SKIC2: variants seen among roughly 807,000 people sequenced by gnomAD.
SKIC2 encodes the protein superkiller complex protein 2.
At chr6:31,961,059 C>T in the SKIC2 span, 5 of 1,612,540 alleles carry the variant, frequency 3.1e-6, no homozygotes, top group African/African-American at 2.7e-5. Context: ...ACTATTCCAC[C>T]TGGTTTCAAG....
the SKIC2 span, chr6:31,969,046 G>T: frequency 6.2e-7 from 1 of 1,612,318 alleles, no homozygotes. This position sits in a 1 kb window ranked among gnomAD's most constrained non-coding sequence, Gnocchi z 6.1. Context: ...GTCTGCCAGA[G>T]CCCTGGGGAC....
At chr6:31,960,313 A>G in the SKIC2 span, 2 of 1,613,324 alleles carry the variant, frequency 1.2e-6, no homozygotes, top group South Asian at 1.1e-5. Context: ...ACCCAACCAC[A>G]GGCCAGATAC....
chr6:31,964,806 C>T, the SKIC2 span, among the ~76,000 whole-genome samples: 4 of 152,132 alleles, frequency 2.6e-5, no homozygotes, highest in African/African-American at 7.2e-5. This position sits in a 1 kb window ranked among gnomAD's most constrained non-coding sequence, Gnocchi z 5.0. Context: ...TTGGAATGCA[C>T]GCTGGCACTA....
chr6:31,961,484 G>A, the SKIC2 span: 1 of 1,541,278 alleles, frequency 6.5e-7, no homozygotes, highest in Non-Finnish European at 8.8e-7. Flanking sequence ...CATCTTTTGG[G>A]AGGAGTGCTA....
chr6:31,969,648 A>G, the SKIC2 span: 1 of 1,611,566 alleles, frequency 6.2e-7, no homozygotes, highest in South Asian at 1.1e-5. The surrounding 1 kb of genome is among the most constrained non-coding windows in gnomAD (Gnocchi z 6.1). Flanking sequence ...CTGGGTGCCA[A>G]GATGGAGACA....
the SKIC2 span, chr6:31,960,566 G>C: frequency 2.8e-5 from 45 of 1,586,790 alleles, no homozygotes; most frequent in African/African-American, 5.5e-4. Context: ...GTGGAGATGG[G>C]ATGGTAGAAG....
At chr6:31,965,415 C>CA in the SKIC2 span, among the ~76,000 whole-genome samples, 134 of 148,142 alleles carry the variant, frequency 9.0e-4, no homozygotes, top group Admixed American at 3.3e-3. The surrounding 1 kb of genome is among the most constrained non-coding windows in gnomAD (Gnocchi z 5.6). Flanking sequence ...GAAAAAGAAG[C>CA]AAAAAAAAAT....
chr6:31,960,264 T>C, the SKIC2 span: 1 of 1,613,196 alleles, frequency 6.2e-7, no homozygotes, highest in Non-Finnish European at 8.5e-7. Flanking sequence ...TTGGCTGTCC[T>C]GGGAGCCCCA....
the SKIC2 span, among the ~76,000 whole-genome samples, chr6:31,962,275 A>G: frequency 6.6e-6 from 1 of 152,008 alleles, no homozygotes; most frequent in African/African-American, 2.4e-5. This position sits in a 1 kb window ranked among gnomAD's most constrained non-coding sequence, Gnocchi z 5.0. Context: ...TGGGGACAGA[A>G]TTTTTCTGGG....
the SKIC2 span, chr6:31,969,452 G>C: frequency 1.2e-6 from 2 of 1,614,002 alleles, no homozygotes; most frequent in Non-Finnish European, 1.7e-6. The surrounding 1 kb of genome is among the most constrained non-coding windows in gnomAD (Gnocchi z 6.1). Context: ...TTTTGCAGAC[G>C]GCTGGCTGGG....
chr6:31,962,539 C>T, the SKIC2 span: 18 of 1,614,034 alleles, frequency 1.1e-5, no homozygotes, highest in Middle Eastern at 1.6e-4. This position sits in a 1 kb window ranked among gnomAD's most constrained non-coding sequence, Gnocchi z 5.0. Context: ...GGATGTACAG[C>T]TGCATCCGGA....
the SKIC2 span, chr6:31,962,872 A>G: frequency 7.5e-7 from 1 of 1,331,730 alleles, no homozygotes; most frequent in Middle Eastern, 1.9e-4. This position sits in a 1 kb window ranked among gnomAD's most constrained non-coding sequence, Gnocchi z 5.0. Context: ...CTTATTCCAC[A>G]CACTCAGGGC....
chr6:31,967,706 C>T, the SKIC2 span: 4 of 1,612,508 alleles, frequency 2.5e-6, no homozygotes, highest in African/African-American at 4.0e-5. The surrounding 1 kb of genome is among the most constrained non-coding windows in gnomAD (Gnocchi z 4.9). Flanking sequence ...CCTCTCTGAC[C>T]ACCCCCAGGT....
chr6:31,961,685 C>A, the SKIC2 span: 1 of 1,610,188 alleles, frequency 6.2e-7, no homozygotes, highest in African/African-American at 1.3e-5. Flanking sequence ...GGTACTTTGG[C>A]CCCATCTTCA....
the SKIC2 span, chr6:31,960,675 A>C: frequency 7.6e-6 from 12 of 1,588,818 alleles, no homozygotes; most frequent in Non-Finnish European, 8.6e-6. Flanking sequence ...GGGGGGATGG[A>C]TGAACCCACC....
chr6:31,959,230 G>A, the SKIC2 span: 3 of 1,608,436 alleles, frequency 1.9e-6, no homozygotes, highest in Non-Finnish European at 2.5e-6. Flanking sequence ...GGGGAGGGGA[G>A]GGAAATGGAA....
the SKIC2 span, chr6:31,966,739 C>G: frequency 6.2e-7 from 1 of 1,614,110 alleles, no homozygotes; most frequent in Non-Finnish European, 8.5e-7. This position sits in a 1 kb window ranked among gnomAD's most constrained non-coding sequence, Gnocchi z 5.9. Flanking sequence ...GTCCCAGTTC[C>G]GCCTCACGTA....
the SKIC2 span, chr6:31,961,118 G>T: frequency 6.2e-7 from 1 of 1,611,476 alleles, no homozygotes; most frequent in South Asian, 1.1e-5. Context: ...TTTGAGTGGG[G>T]TGTAGGAGAA....
the SKIC2 span, chr6:31,960,851 A>G: frequency 7.3e-6 from 7 of 957,770 alleles, no homozygotes; most frequent in Non-Finnish European, 9.6e-6. Flanking sequence ...TATTCTGTCC[A>G]TAACAACCTT....
Sources: gnomAD v4.1 joint callset for allele counts (sites outside exome capture counted in the v4.1 genomes callset) on GRCh38, gnomAD v4.1.1 for gene constraint, Gnocchi (gnomAD v3.1) non-coding constraint, MANE v1.5 for transcripts, NCBI Gene and HGNC (gene_info 2026-07-23, HGNC 2026-07-21) for gene names.